The following LRRC8B variants were observed in gnomAD, a reference collection of about 807,000 sequenced individuals.
LRRC8B encodes leucine rich repeat containing 8 VRAC subunit B.
A neutral mutation model predicts 58.8 loss-of-function variants in LRRC8B; 23 were observed. That is an observed-to-expected ratio of 0.39 (90% CI 0.28 to 0.55). The LOEUF (loss-of-function observed/expected upper bound fraction) is 0.55. Ranked by LOEUF, LRRC8B falls within the 20% of genes least tolerant of loss-of-function variation. The pLI, the probability that LRRC8B is intolerant of heterozygous loss-of-function variation, is 0.62. For missense variants in LRRC8B, 694 were observed against 936.0 expected (o/e 0.74, Z 3.37); for synonymous variants, 359 against 374.1 (o/e 0.96, Z 0.47).
Position 89,593,118 on chromosome 1 carries a change from T to G in LRRC8B, c.*75T>G. ...GGCCGGGCGTGGTGGCTCATGCCTA[T>G]AATCCCAGCACTTTGGGAGGCCAAG... On this transcript the variant is annotated 3_prime_UTR_variant, in exon 6 of 6. Coordinates refer to ENST00000330947, the MANE Select transcript of LRRC8B (RefSeq NM_001369817.2). 2 of 1,473,806 alleles carry G rather than the reference T, an allele frequency of 1.4e-6. No individual in the cohort carries two copies. The highest frequency in any genetic ancestry group is 1.9e-6 in the Non-Finnish European group (2 of 1,074,238). The allele number at this position is 1,473,806 out of a possible 1,614,324, so 91.3% of individuals were successfully genotyped here.
At chr1:89,552,321 C>T (rs1651884030) in intron 1 of LRRC8B, among the ~76,000 whole-genome samples, 1 of 152,156 alleles carries the variant, frequency 6.6e-6, no homozygotes, top group African/African-American at 2.4e-5. Context: ...CTCCCACACC[C>T]AATCTCCTTG....
chr1:89,555,951 C>T (rs527662026), intron 1 of LRRC8B, among the ~76,000 whole-genome samples: 22 of 152,258 alleles, frequency 1.4e-4, no homozygotes, highest in African/African-American at 4.3e-4. Context: ...TTATTCATAG[C>T]GAGCCCCTGT....
chr1:89,530,091 G>C (rs971885331), intron 1 of LRRC8B, among the ~76,000 whole-genome samples: 1 of 151,888 alleles, frequency 6.6e-6, no homozygotes, highest in South Asian at 2.1e-4. Flanking sequence ...GCTCACACCT[G>C]TAATCCCAGC....
At position 89,583,969 on chromosome 1, in the gene LRRC8B, C is replaced by T. The variant is rs779098774; in HGVS notation, c.1319C>T (p.Thr440Ile). 6.2e-7 allele frequency: 1 copy of T among 1,614,204 alleles called. No homozygotes were observed. The highest frequency in any genetic ancestry group is 1.1e-5 in the South Asian group (1 of 91,086). The change falls in exon 5 of 6, where the codon ACT becomes ATT. Residue 440 changes from threonine (T) to isoleucine (I), a missense_variant. By Grantham distance (89) the Thr-to-Ile change is moderately conservative. Transcript: ENST00000330947. The surrounding 1 kb of genome is among the most constrained non-coding windows in gnomAD (Gnocchi z 5.2). ...NGLPDNVFEL[T>I]EMEVLSLELI... ...CTTCCAGACAATGTCTTTGAGTTAA[C>T]TGAAATGGAAGTGCTAAGCCTGGAG...
At chr1:89,581,876 G>A (rs890422488) in intron 4 of LRRC8B, among the ~76,000 whole-genome samples, 18 of 152,172 alleles carry the variant, frequency 1.2e-4, no homozygotes, top group African/African-American at 4.3e-4. Context: ...CAAAGCGAAA[G>A]CTTGTGTGGA....
Position 89,596,015 on chromosome 1 carries a change from C to A in LRRC8B, c.*2972C>A, listed in dbSNP as rs990483500. On this transcript the variant is annotated 3_prime_UTR_variant, in exon 6 of 6. Transcript: ENST00000330947. ...CATGCACACACAGACACACATACTTCATATATGCAAATTATAGCATTAGTT... is the reference window on the plus strand; with the variant it reads ...CATGCACACACAGACACACATACTTAATATATGCAAATTATAGCATTAGTT... 1 of 151,956 alleles carries A rather than the reference C, an allele frequency of 6.6e-6. No individual in the cohort carries two copies. The highest frequency in any genetic ancestry group is 3.4e-3 in the Middle Eastern group (1 of 294). 9.4% of individuals were successfully genotyped at this position (151,956 alleles called of 1,614,324 possible). A position where few individuals can be genotyped will look rare whatever the true frequency, so the allele number is the denominator to read the frequency against.
Position 89,574,603 on chromosome 1 carries a change from T to C in LRRC8B, c.-124-4988T>C, listed in dbSNP as rs1052769127. ...CCTTTAACTCCTTTTTTAACTCCCC[T>C]TTTTTTTTGATACTGTGATCAAAGT... On this transcript the variant is annotated intron_variant, in intron 3 of 5. Coordinates refer to ENST00000330947, the MANE Select transcript of LRRC8B (RefSeq NM_001369817.2). 4.0e-5 allele frequency among the ~76,000 whole-genome samples: 6 copies of C among 150,810 alleles called. No individual in the cohort carries two copies. The East Asian group carries it at 5.8e-4, about 15-fold the overall frequency.
intron 1 of LRRC8B, among the ~76,000 whole-genome samples, chr1:89,530,000 G>T (rs971891162): frequency 6.6e-6 from 1 of 151,594 alleles, no homozygotes; most frequent in Admixed American, 6.6e-5. Flanking sequence ...GGGAGGACAG[G>T]TGAATCACTC....
At chr1:89,576,828 G>A (rs1027362888) in intron 3 of LRRC8B, among the ~76,000 whole-genome samples, 2 of 152,252 alleles carry the variant, frequency 1.3e-5, no homozygotes, top group Middle Eastern at 3.4e-3. Context: ...AAGGAAACTA[G>A]TATATCAAAT....
rs757903919 is a variant in LRRC8B at position 89,592,843 on chromosome 1, A to C, written c.2212A>C (p.Met738Leu). ...TTTACTTTTGGGGAAAAATAGCTTG[A>C]TGAATTTGTCCCCTCATGTGGGTGA... is the stretch of plus-strand genomic sequence containing the variant. ...QCLLLGKNSL[M>L]NLSPHVGELS... Residue 738 changes from methionine to leucine, a missense_variant, in exon 6 of 6, where the codon ATG (methionine) becomes CTG (leucine). Coordinates refer to ENST00000330947, the MANE Select transcript of LRRC8B (RefSeq NM_001369817.2). 2.5e-6 allele frequency: 4 copies of C among 1,614,110 alleles called. No homozygotes were observed. The highest frequency in any genetic ancestry group is 3.4e-6 in the Non-Finnish European group (4 of 1,180,002).
intron 1 of LRRC8B, among the ~76,000 whole-genome samples, chr1:89,562,489 C>A (rs750233966): frequency 6.6e-6 from 1 of 150,890 alleles, no homozygotes; most frequent in African/African-American, 2.4e-5. Flanking sequence ...TTTTTCTTTC[C>A]GAGACTTGGT....
chr1:89,583,043 C>A lies in LRRC8B; in HGVS notation c.393C>A (p.Ile131=), dbSNP rs778535283. The A allele has an allele frequency of 6.8e-6, 11 of 1,614,106 alleles. No homozygotes were observed. Among genetic ancestry groups the A allele is most frequent in the Admixed American group, 5.0e-5 (3 of 59,992 alleles). Residue 131 remains isoleucine, a synonymous_variant, in exon 5 of 6, where the codon ATC becomes ATA. Coordinates refer to ENST00000330947, the MANE Select transcript of LRRC8B (RefSeq NM_001369817.2). The surrounding 1 kb of genome is among the most constrained non-coding windows in gnomAD (Gnocchi z 5.2). The stretch of plus-strand genomic sequence containing the variant: ...ATCTGGTGCTCTTGCACACGCTCAT[C>A]TTTGCAGCCTGCAGCAACTTTTGGC... ...FPYLVLLHTL[I]FAACSNFWLH...
At chr1:89,581,955 G>T (rs1337831596) in intron 4 of LRRC8B, among the ~76,000 whole-genome samples, 2 of 152,178 alleles carry the variant, frequency 1.3e-5, no homozygotes, top group Admixed American at 6.5e-5. Context: ...AGCCTAAGGG[G>T]TAATTTCACA....
intron 1 of LRRC8B, among the ~76,000 whole-genome samples, chr1:89,537,095 G>A (rs1235368693): frequency 6.6e-6 from 1 of 152,114 alleles, no homozygotes. Context: ...ACTGAATCAA[G>A]GACCTAAGAT....
intron 5 of LRRC8B, 86 bp from the exon 6 acceptor site, chr1:89,592,685 T>TG (rs1209129203): frequency 7.8e-6 from 9 of 1,147,262 alleles, no homozygotes; most frequent in South Asian, 3.0e-5. Flanking sequence ...AATGTTTTGT[T>TG]TTTTTTTTTT....
chr1:89,538,813 C>T (rs140141881), intron 1 of LRRC8B, among the ~76,000 whole-genome samples: 5,427 of 152,158 alleles, frequency 0.036, 135 homozygotes, highest in Non-Finnish European at 0.06. Flanking sequence ...CTCCACCTAC[C>T]GGGTTCAAGC....
Position 89,544,737 on chromosome 1 carries a change from A to G in LRRC8B, c.-241+19715A>G, listed in dbSNP as rs546218030. Among the ~76,000 whole-genome samples the G allele has an allele frequency of 8.5e-5, 13 of 152,296 alleles. No individual in the cohort carries two copies. In the East Asian group the frequency reaches 2.1e-3, roughly 25 times the overall value. ...ATCCATCTATCCTCTTTTCTACTGG[A>G]GGAAGAAAAAACCTCAATTATATTG... On this transcript the variant is annotated intron_variant, in intron 1 of 5. Transcript: ENST00000330947.
intron 3 of LRRC8B, among the ~76,000 whole-genome samples, chr1:89,574,561 A>G (rs1270112450): frequency 6.6e-6 from 1 of 152,254 alleles, no homozygotes; most frequent in Non-Finnish European, 1.5e-5. Context: ...GCAAAATATC[A>G]GAAGCTCTGA....
At chr1:89,571,758 G>A (rs77802571) in intron 3 of LRRC8B, among the ~76,000 whole-genome samples, 8,593 of 152,026 alleles carry the variant, frequency 0.057, 275 homozygotes, top group African/African-American at 0.085. Flanking sequence ...GATTATTGTT[G>A]TGTGCTGGTT....
Sources: allele counts gnomAD v4.1 joint callset (sites outside exome capture counted in the v4.1 genomes callset), GRCh38; gene constraint gnomAD v4.1.1; non-coding constraint Gnocchi (gnomAD v3.1); transcripts MANE v1.5; gene names NCBI Gene and HGNC (gene_info 2026-07-23, HGNC 2026-07-21).